The following RNF213 variants were observed in gnomAD, a reference collection of about 807,000 sequenced individuals.
The protein encoded by RNF213 is ring finger protein 213, also known as E3 ubiquitin-protein ligase RNF213.
A neutral mutation model predicts 514.4 loss-of-function variants in RNF213; 341 were observed. That is an observed-to-expected ratio of 0.66 (90% CI 0.61 to 0.73). The LOEUF (loss-of-function observed/expected upper bound fraction) is 0.73, where lower values mean the gene tolerates loss of function less well. RNF213 is among the 30% of genes least tolerant of loss of function. The pLI is 0.00. For missense variants in RNF213, 5,767 were observed against 6,615.6 expected (o/e 0.87, Z 4.45); for synonymous variants, 2,655 against 2,658.2 (o/e 1.00, Z 0.04).
rs373595025 is a variant in RNF213, at chr17:80,313,071, G to T, written c.2715G>T (p.Gly905=). The part of the protein sequence containing the change: ...GNNSVQTVFQ[G]TLAATKRWLR... ...ATTCAGTCCAAACAGTCTTCCAAGG[G>T]ACCCTTGCTGCTACGAAAAGGTGGC... Residue 905 remains glycine (G), a synonymous_variant, in exon 15 of 68, where the codon GGG becomes GGT. Coordinates refer to ENST00000582970, the MANE Select transcript of RNF213 (RefSeq NM_001256071.3). 13 of 1,613,934 alleles carry T rather than the reference G, an allele frequency of 8.1e-6. No homozygotes were observed. The Admixed American group carries it at 1.3e-4, about 17-fold the overall frequency.
intron 10 of RNF213, among the ~76,000 whole-genome samples, chr17:80,296,796 C>G (rs2044967153): frequency 6.6e-6 from 1 of 152,130 alleles, no homozygotes; most frequent in Admixed American, 6.6e-5. Context: ...GTTCTCCCAC[C>G]TCAGCCTCCT....
At chr17:80,367,514 G>T (rs191371799) in intron 42 of RNF213, among the ~76,000 whole-genome samples, 1 of 152,288 alleles carries the variant, frequency 6.6e-6, no homozygotes, top group African/African-American at 2.4e-5. Context: ...GACCTTAAAA[G>T]AAAAAGAAGA....
intron 6 of RNF213, 94 bp from the exon 7 acceptor site, chr17:80,290,472 CGTGT>C: frequency 1.4e-6 from 2 of 1,433,542 alleles, no homozygotes; most frequent in Non-Finnish European, 1.9e-6. Flanking sequence ...TGTGTGTGCA[CGTGT>C]GTGTGCGCAC....
chr17:80,317,153 T>A lies in RNF213; in HGVS notation c.2812-35T>A, dbSNP rs2045974868. On this transcript the variant is annotated intron_variant, in intron 15 of 67. Coordinates refer to ENST00000582970, the MANE Select transcript of RNF213 (RefSeq NM_001256071.3). The surrounding 1 kb of genome is among the most constrained non-coding windows in gnomAD (Gnocchi z 4.1). ...GGGAGTGTGCCGTGGCATTTAGTCG[T>A]GAGAGTGGGTGTGACCTGTGTGCGG... The A allele has an allele frequency of 1.3e-6, 2 of 1,599,480 alleles. No individual in the cohort carries two copies. Among genetic ancestry groups the A allele is most frequent in the Non-Finnish European group, 1.7e-6 (2 of 1,172,056 alleles).
At chr17:80,373,988 G>C (rs1210630057) in intron 49 of RNF213, among the ~76,000 whole-genome samples, 1 of 138,106 alleles carries the variant, frequency 7.2e-6, no homozygotes, top group Non-Finnish European at 1.5e-5. Context: ...CTGGGCGATA[G>C]AGCGAGACTC....
At chr17:80,369,268 C>T (rs1244506066) in intron 44 of RNF213, among the ~76,000 whole-genome samples, 6 of 152,182 alleles carry the variant, frequency 3.9e-5, no homozygotes, top group Middle Eastern at 3.4e-3. Context: ...CGTGATGGTG[C>T]GTGCCTGTAA....
chr17:80,355,522 C>T (rs995344359), intron 36 of RNF213, among the ~76,000 whole-genome samples: 14 of 12,346 alleles, frequency 1.1e-3, no homozygotes, highest in Non-Finnish European at 2.2e-3. Context: ...TGGGGGCTTA[C>T]AGGGGGAAGA....
chr17:80,334,011 G>C lies in RNF213; in HGVS notation c.4144-94G>C, dbSNP rs868575080. 4.1e-5 allele frequency: 59 copies of C among 1,425,388 alleles called. No homozygotes were observed. In the Middle Eastern group the frequency reaches 1.6e-3, roughly 38 times the overall value. The allele number at this position is 1,425,388 out of a possible 1,614,324, so 88.3% of individuals were successfully genotyped here. A position where few individuals can be genotyped will look rare whatever the true frequency, so the allele number is the denominator to read the frequency against. ...AGTGGCAAATCTAGGCATTGAGGGAGGGTGGGGCTGCTGGGACGGTCAGTG... is the reference window on the plus strand; with the variant it reads ...AGTGGCAAATCTAGGCATTGAGGGACGGTGGGGCTGCTGGGACGGTCAGTG... On this transcript the variant is annotated intron_variant, in intron 21 of 67. Transcript: ENST00000582970.
At chr17:80,325,755 C>T (rs2143904347) in intron 18 of RNF213, among the ~76,000 whole-genome samples, 1 of 151,864 alleles carries the variant, frequency 6.6e-6, no homozygotes, top group East Asian at 1.9e-4. Flanking sequence ...ACGTTAGAGT[C>T]CAGTTGGCGT....
chr17:80,381,868 A>G (rs2080020589), intron 57 of RNF213, 141 bp downstream of exon 57: 2 of 849,646 alleles, frequency 2.4e-6, no homozygotes, highest in Non-Finnish European at 3.8e-6. Context: ...GAGAACACAC[A>G]GAGAGAAAAC....
rs1005956996 is a variant in RNF213, at chr17:80,347,821, C to T, written c.9486C>T (p.Pro3162=). ...AAGACGTCGTGTACAAACACTTTCC[C>T]ATCCCCCTCATTAACCGGCTGGAGA... is the stretch of plus-strand genomic sequence containing the variant. ...EEKDVVYKHF[P]IPLINRLEKH... is the part of the protein sequence containing the mutation. The change falls in exon 29 of 68, where the codon CCC becomes CCT. Residue 3162 remains proline (P), a synonymous_variant. Coordinates refer to ENST00000582970, the MANE Select transcript of RNF213 (RefSeq NM_001256071.3). This position sits in a 1 kb window ranked among gnomAD's most constrained non-coding sequence, Gnocchi z 7.2. 6.2e-7 allele frequency: 1 copy of T among 1,614,046 alleles called. No individual in the cohort carries two copies. The highest frequency in any genetic ancestry group is 8.5e-7 in the Non-Finnish European group (1 of 1,180,032).
chr17:80,323,497 C>G (rs1458122711), intron 17 of RNF213, among the ~76,000 whole-genome samples: 1 of 152,072 alleles, frequency 6.6e-6, no homozygotes, highest in African/African-American at 2.4e-5. Context: ...GCCATCTTAA[C>G]AAGGTTAAGT....
rs773522414 is a variant in RNF213, at chr17:80,345,367, C to T, written c.7032C>T (p.Asp2344=). 1.4e-5 allele frequency: 22 copies of T among 1,614,126 alleles called. No homozygotes were observed. Among genetic ancestry groups the T allele is most frequent in the Middle Eastern group, 1.6e-4 (1 of 6,062 alleles). The change falls in exon 29 of 68, where the codon GAC becomes GAT. Residue 2344 remains aspartate (D), a synonymous_variant. Coordinates refer to ENST00000582970, the MANE Select transcript of RNF213 (RefSeq NM_001256071.3). The surrounding 1 kb of genome is among the most constrained non-coding windows in gnomAD (Gnocchi z 6.0). Reference sequence around the variant, plus strand: ...TGACTGGGAAGGTCATCAAGAGAGACGTCATGACCAGGGACCTGTACCAGG... The same window carrying T: ...TGACTGGGAAGGTCATCAAGAGAGATGTCATGACCAGGGACCTGTACCAGG... ...SHLTGKVIKR[D]VMTRDLYQGL...
rs924084991 is a variant in RNF213 at position 80,339,868 on chromosome 17, T to A, written c.5501T>A (p.Val1834Asp). The change falls in exon 26 of 68, where the codon GTC (valine) becomes GAC (aspartate). Residue 1834 changes from valine to aspartate, a missense_variant. Val to Asp is a radical substitution (Grantham distance 152). Around this residue, in one of 13 missense-constraint regions of RNF213, gnomAD observed 1,377 missense variants for 1,635.2 expected, o/e 0.84. Transcript: ENST00000582970. ...CAGGTCGGCCAGCCCAACCTCGTCG[T>A]CTGTGGCCACTCCGAGGTGTTGCCA... ...GLQVGQPNLV[V>D]CGHSEVLPAA... 8 of 1,537,006 alleles carry A rather than the reference T, an allele frequency of 5.2e-6. No individual in the cohort carries two copies. The highest frequency in any genetic ancestry group is 7.0e-6 in the Non-Finnish European group (8 of 1,146,864).
At chr17:80,327,356 C>T (rs1357398568) in intron 18 of RNF213, among the ~76,000 whole-genome samples, 1 of 152,046 alleles carries the variant, frequency 6.6e-6, no homozygotes, top group Non-Finnish European at 1.5e-5. Flanking sequence ...GAAAGTTTGC[C>T]AGGCATGGTG....
Position 80,363,755 on chromosome 17 carries a change from C to A in RNF213, c.11715C>A (p.Ser3905Arg). 6.2e-7 allele frequency: 1 copy of A among 1,613,684 alleles called. No homozygotes were observed. Among genetic ancestry groups the A allele is most frequent in the Non-Finnish European group, 8.5e-7 (1 of 1,180,016 alleles). ...LICSDEHMQG[S>R]GSLAQAVIRE... The stretch of plus-strand genomic sequence containing the variant: ...GCTCCGATGAGCACATGCAAGGCAG[C>A]GGGAGCCTGGCCCAGGCTGTCATCA... The change falls in exon 41 of 68, where the codon AGC (serine) becomes AGA (arginine). Residue 3905 changes from serine (S) to arginine (R), a missense_variant. Ser to Arg is a moderately radical substitution (Grantham distance 110). Coordinates refer to ENST00000582970, the MANE Select transcript of RNF213 (RefSeq NM_001256071.3).
chr17:80,387,571 T>A (rs1301169617), intron 63 of RNF213, among the ~76,000 whole-genome samples: 2 of 152,240 alleles, frequency 1.3e-5, no homozygotes, highest in Non-Finnish European at 2.9e-5. Context: ...ATCCTGTACG[T>A]TGGACTGCTA....
chr17:80,270,152 C>T (rs971978422), intron 2 of RNF213, among the ~76,000 whole-genome samples: 3 of 152,248 alleles, frequency 2.0e-5, no homozygotes, highest in Non-Finnish European at 2.9e-5. Flanking sequence ...TCGTGCCCTG[C>T]GCATGCCTTG....
In RNF213 at chr17:80,345,178, G is replaced by A. The variant is rs199745423; in HGVS notation, c.6843G>A (p.Met2281Ile). Residue 2281 changes from methionine (M) to isoleucine (I), a missense_variant, in exon 29 of 68, where the codon ATG (methionine) becomes ATA (isoleucine). Physicochemically the swap from Met to Ile is conservative, Grantham distance 10. This residue lies in a region of RNF213 where 1,377 missense variants were observed against 1,635.2 expected (regional missense o/e 0.84). Transcript: ENST00000582970. This position sits in a 1 kb window ranked among gnomAD's most constrained non-coding sequence, Gnocchi z 6.0. ...DQSPGKHMVTMDGVREEDLAP... is the reference protein window; with the variant it reads ...DQSPGKHMVTIDGVREEDLAP... Reference sequence around the variant, plus strand: ...GCCCGGGGAAGCACATGGTCACCATGGATGGGGTTAGGGAAGAAGATCTAG... The same window carrying A: ...GCCCGGGGAAGCACATGGTCACCATAGATGGGGTTAGGGAAGAAGATCTAG... 1.1e-4 allele frequency: 179 copies of A among 1,614,006 alleles called. No individual in the cohort carries two copies. The highest frequency in any genetic ancestry group is 1.4e-4 in the Non-Finnish European group (166 of 1,180,050).
Sources: allele counts gnomAD v4.1 joint callset (sites outside exome capture counted in the v4.1 genomes callset), GRCh38; gene constraint gnomAD v4.1.1; regional missense constraint gnomAD v4.1.1; non-coding constraint Gnocchi (gnomAD v3.1); transcripts MANE v1.5; gene names NCBI Gene and HGNC (gene_info 2026-07-23, HGNC 2026-07-21).